The following RCOR3 variants were observed in gnomAD, a reference collection of about 807,000 sequenced individuals.
RCOR3 encodes REST corepressor 3.
Under a neutral mutation model 64.1 loss-of-function variants are expected in RCOR3, and 13 were observed. The observed-to-expected ratio is 0.20, with a 90% CI of 0.13 to 0.32. RCOR3 has a LOEUF of 0.32. Among genes scored for constraint, RCOR3 ranks in the 10% least tolerant of loss-of-function variants. RCOR3 has a pLI of 1.00. For missense variants in RCOR3, 489 were observed against 701.2 expected (o/e 0.70, Z 3.42); for synonymous variants, 215 against 239.0 (o/e 0.90, Z 0.93).
intron 7 of RCOR3, among the ~76,000 whole-genome samples, chr1:211,288,184 C>T (rs1216996708): frequency 6.6e-6 from 1 of 150,974 alleles, no homozygotes; most frequent in Non-Finnish European, 1.5e-5. Flanking sequence ...TGCACTTAGC[C>T]TGGGTGACAG....
At chr1:211,298,423 C>T (rs774086487) in intron 9 of RCOR3, among the ~76,000 whole-genome samples, 1 of 151,910 alleles carries the variant, frequency 6.6e-6, no homozygotes, top group South Asian at 2.1e-4. Context: ...ACAGTACATT[C>T]AAAAATATAA....
chr1:211,291,955 TA>T (rs1699290757), intron 8 of RCOR3, among the ~76,000 whole-genome samples: 1 of 151,964 alleles, frequency 6.6e-6, no homozygotes, highest in African/African-American at 2.4e-5. Flanking sequence ...TTCATCTCTA[TA>T]AAAAAAATTT....
intron 2 of RCOR3, among the ~76,000 whole-genome samples, chr1:211,270,865 T>C (rs1696072660): frequency 6.6e-6 from 1 of 151,842 alleles, no homozygotes; most frequent in Admixed American, 6.5e-5. Context: ...TACTTTTTTT[T>C]TTTTTTTTGA....
At chr1:211,259,847 G>A (rs1249182907) in intron 1 of RCOR3, 121 bp downstream of exon 1, 1 of 1,111,516 alleles carries the variant, frequency 9.0e-7, no homozygotes, top group East Asian at 2.9e-5. Context: ...CGCTGCGGTA[G>A]CCTCGAACTC....
At chr1:211,274,049 A>G (rs911381150) in intron 3 of RCOR3, among the ~76,000 whole-genome samples, 161 bp from the exon 4 acceptor site, 2 of 151,808 alleles carry the variant, frequency 1.3e-5, no homozygotes, top group African/African-American at 2.4e-5. Context: ...TGATCTTGCT[A>G]TGATAAGTCT....
In RCOR3 at chr1:211,289,402, T is replaced by G; in HGVS notation, c.939+6T>G. Reference sequence around the variant, plus strand: ...TGATCTCTCTAAAACGTCAGGTATTTTATAAAAATAATATTTTTAATGATT... The same window carrying G: ...TGATCTCTCTAAAACGTCAGGTATTGTATAAAAATAATATTTTTAATGATT... On this transcript the variant is annotated splice_donor_region_variant and intron_variant, in intron 8 of 11. Coordinates refer to ENST00000419091, the MANE Select transcript of RCOR3 (RefSeq NM_001136223.3). 6.2e-7 allele frequency: 1 copy of G among 1,601,378 alleles called. No individual in the cohort carries two copies. The highest frequency in any genetic ancestry group is 2.2e-5 in the East Asian group (1 of 44,572).
At position 211,312,926 on chromosome 1, in the gene RCOR3, G is replaced by A. The variant is rs987801338; in HGVS notation, c.1282G>A (p.Val428Met). The change falls in exon 11 of 12, where the codon GTG (valine) becomes ATG (methionine). Residue 428 changes from valine to methionine, a missense_variant. Coordinates refer to ENST00000419091, the MANE Select transcript of RCOR3 (RefSeq NM_001136223.3). This position sits in a 1 kb window ranked among gnomAD's most constrained non-coding sequence, Gnocchi z 5.0. ...LGEETKSASN[V>M]PSGKSTDEEE... ...GGAGGAGACAAAAAGTGCTTCTAAT[G>A]TGCCATCAGGGAAGAGCACTGATGA... The A allele has an allele frequency of 1.2e-6, 2 of 1,614,174 alleles. No homozygotes were observed. Among genetic ancestry groups the A allele is most frequent in the Non-Finnish European group, 1.7e-6 (2 of 1,180,022 alleles).
chr1:211,309,172 A>T (rs1400387623), intron 10 of RCOR3, among the ~76,000 whole-genome samples: 1 of 151,678 alleles, frequency 6.6e-6, no homozygotes, highest in Non-Finnish European at 1.5e-5. Context: ...CCACAATCTT[A>T]CTAGCCAAAG....
intron 8 of RCOR3, among the ~76,000 whole-genome samples, chr1:211,290,505 A>G (rs545828956): frequency 7.2e-5 from 11 of 152,064 alleles, no homozygotes; most frequent in Admixed American, 7.2e-4. Flanking sequence ...TTGCCTGACA[A>G]TAACTATCTT....
At chr1:211,260,666 C>G (rs1411241426) in intron 2 of RCOR3, among the ~76,000 whole-genome samples, 3 of 150,814 alleles carry the variant, frequency 2.0e-5, no homozygotes, top group African/African-American at 4.9e-5. Context: ...GGGATTGTCT[C>G]TTTTCTTTCT....
intron 9 of RCOR3, chr1:211,302,601 A>T (rs933083893): frequency 3.3e-5 from 5 of 152,218 alleles, no homozygotes; most frequent in African/African-American, 1.2e-4. Context: ...AACTATTTTT[A>T]AAAAAACTAA....
intron 9 of RCOR3, among the ~76,000 whole-genome samples, chr1:211,298,607 CA>C (rs1183036719): frequency 6.6e-6 from 1 of 152,038 alleles, no homozygotes; most frequent in Non-Finnish European, 1.5e-5. Flanking sequence ...AACTTGGATG[CA>C]GAGAAGGAAT....
chr1:211,263,824 T>C (rs1203440055), intron 2 of RCOR3, among the ~76,000 whole-genome samples: 4 of 152,018 alleles, frequency 2.6e-5, no homozygotes, highest in Admixed American at 2.0e-4. Flanking sequence ...TGTTTTGTTT[T>C]TTTTTTGTTT....
chr1:211,284,336 T>C (rs1698230788), intron 7 of RCOR3, among the ~76,000 whole-genome samples: 1 of 152,134 alleles, frequency 6.6e-6, no homozygotes, highest in Non-Finnish European at 1.5e-5. Flanking sequence ...CGCCTCAGCC[T>C]CCCAAAGTGC....
intron 2 of RCOR3, among the ~76,000 whole-genome samples, chr1:211,265,704 C>T (rs1314297422): frequency 2.6e-5 from 4 of 152,072 alleles, no homozygotes; most frequent in South Asian, 2.1e-4. Context: ...GGCGACAGAG[C>T]GAGACTCTGT....
intron 8 of RCOR3, among the ~76,000 whole-genome samples, chr1:211,290,913 C>T (rs1699170385): frequency 6.6e-6 from 1 of 152,040 alleles, no homozygotes; most frequent in Admixed American, 6.6e-5. Context: ...GAAAGGTGGA[C>T]CATGGTCATA....
At chr1:211,308,684 G>GTTTT (rs71585833) in intron 10 of RCOR3, among the ~76,000 whole-genome samples, 2 of 42,054 alleles carry the variant, frequency 4.8e-5, no homozygotes, top group African/African-American at 1.5e-4. Context: ...TTTTTTTTTT[G>GTTTT]TTTTTTTTTT....
intron 7 of RCOR3, among the ~76,000 whole-genome samples, chr1:211,288,066 C>G (rs1698767360): frequency 6.6e-6 from 1 of 151,792 alleles, no homozygotes; most frequent in Admixed American, 6.6e-5. Flanking sequence ...AAAAATTAGC[C>G]AGGCATAATG....
intron 7 of RCOR3, among the ~76,000 whole-genome samples, chr1:211,284,840 G>A (rs761183079): frequency 4.6e-5 from 7 of 152,204 alleles, no homozygotes; most frequent in South Asian, 2.1e-4. Context: ...TTTTTAATAC[G>A]GAATTGAATA....
Sources: gnomAD v4.1 joint callset for allele counts (sites outside exome capture counted in the v4.1 genomes callset) on GRCh38, gnomAD v4.1.1 for gene constraint, Gnocchi (gnomAD v3.1) non-coding constraint, MANE v1.5 for transcripts, NCBI Gene and HGNC (gene_info 2026-07-23, HGNC 2026-07-21) for gene names.